PLA2G4E: variants seen among roughly 807,000 people sequenced by gnomAD.
PLA2G4E encodes cytosolic phospholipase A2 epsilon.
In PLA2G4E, 84 loss-of-function variants were observed where a neutral mutation model predicts 109.1. The observed-to-expected ratio is 0.77, with a 90% CI of 0.65 to 0.92. The LOEUF is 0.92. Ranked by LOEUF, PLA2G4E falls within the 40% of genes least tolerant of loss-of-function variation. PLA2G4E has a pLI of 0.00. For missense variants in PLA2G4E, 1,057 were observed against 1,076.6 expected (o/e 0.98, Z 0.25); for synonymous variants, 469 against 436.1 (o/e 1.08, Z -0.94).
In PLA2G4E at chr15:41,990,085, C is replaced by T. The variant is rs774646748; in HGVS notation, c.1585+36G>A. 12 of 1,574,904 alleles carry T rather than the reference C, an allele frequency of 7.6e-6. No individual in the cohort carries two copies. The East Asian group carries it at 2.5e-4, about 32-fold the overall frequency. On this transcript the variant is annotated intron_variant, in intron 14 of 19. Coordinates refer to ENST00000399518, the Ensembl canonical transcript of PLA2G4E. ...TTTGCCCACCAAGAAGTCCCCCCCT[C>T]CACCCCACTTGTAAATCACCAGCCA...
At chr15:42,013,630 C>T in intron 2 of PLA2G4E, 55 bp downstream of exon 2, 3 of 1,497,222 alleles carry the variant, frequency 2.0e-6, no homozygotes, top group South Asian at 1.2e-5. Flanking sequence ...CAGCCAGGGC[C>T]TCTTCCATCC....
rs970566436 is a variant in PLA2G4E, at chr15:42,013,618, T to C, written c.256+67A>G. 1.0e-5 allele frequency: 15 copies of C among 1,465,344 alleles called. No homozygotes were observed. In the Admixed American group the frequency reaches 3.0e-4, roughly 29 times the overall value. 90.8% of individuals were successfully genotyped at this position (1,465,344 alleles called of 1,614,324 possible). A position where few individuals can be genotyped will look rare whatever the true frequency, so the allele number is the denominator to read the frequency against. On this transcript the variant is annotated intron_variant, in intron 2 of 19. Coordinates refer to ENST00000399518, the Ensembl canonical transcript of PLA2G4E. Reference sequence around the variant, plus strand: ...ACACACGGATCCACCTGACCATTTCTCCAGCCAGGGCCTCTTCCATCCAGA... The same window carrying C: ...ACACACGGATCCACCTGACCATTTCCCCAGCCAGGGCCTCTTCCATCCAGA...
At position 41,989,411 on chromosome 15, in the gene PLA2G4E, T is replaced by C. The variant is rs768785410; in HGVS notation, c.1723+4A>G. The C allele has an allele frequency of 1.9e-6, 3 of 1,613,728 alleles. No homozygotes were observed. In the African/African-American group the frequency reaches 4.0e-5, roughly 22 times the overall value. On this transcript the variant is annotated splice_donor_region_variant and intron_variant, in intron 15 of 19. Coordinates refer to ENST00000399518, the Ensembl canonical transcript of PLA2G4E. ...TGTCATTCCGCCAGTTGCAAGGCAG[T>C]CACCTAGCATGTAGCAGATTCGAGA...
chr15:42,005,121 G>A, intron 4 of PLA2G4E, 143 bp from the exon 5 acceptor site: 2 of 970,728 alleles, frequency 2.1e-6, no homozygotes, highest in East Asian at 2.6e-5. Context: ...TGTGCTTGTG[G>A]TCTCCTCTGC....
chr15:41,996,339 C>A (rs1372655164), intron 11 of PLA2G4E, among the ~76,000 whole-genome samples: 2 of 106,326 alleles, frequency 1.9e-5, no homozygotes, highest in Non-Finnish European at 3.4e-5. Flanking sequence ...CAGAGCAAGA[C>A]CCTGTCTCAA....
chr15:42,002,264 C>CAAAAAAAAAAAAAAAAAAAAAAAAA (rs71108143), intron 6 of PLA2G4E, among the ~76,000 whole-genome samples: 1 of 73,232 alleles, frequency 1.4e-5, no homozygotes, highest in African/African-American at 6.2e-5. Flanking sequence ...GACCTTGTCT[C>CAAAAAAAAAAAAAAAAAAAAAAAAA]AAAAAAAAAA....
At chr15:42,002,450 T>A (rs997900790) in intron 6 of PLA2G4E, among the ~76,000 whole-genome samples, 9 of 151,954 alleles carry the variant, frequency 5.9e-5, no homozygotes, top group Admixed American at 5.9e-4. Context: ...CCCAGCTACC[T>A]CCTCCCTCTG....
chr15:42,027,339 C>T (rs2665205), intron 1 of PLA2G4E, among the ~76,000 whole-genome samples: 114,025 of 152,076 alleles, frequency 0.75, 43,617 homozygotes, highest in Non-Finnish European at 0.83. Context: ...TATAGGGAAA[C>T]AGCAATCAAT....
intron 14 of PLA2G4E, 72 bp from the exon 15 acceptor site, chr15:41,989,624 T>C (rs2068209466): frequency 2.4e-5 from 37 of 1,536,272 alleles, no homozygotes; most frequent in Non-Finnish European, 3.2e-5. Context: ...GCCCCCCTCC[T>C]GCCTGCAGCC....
chr15:42,046,921 G>A (rs1437410856), intron 1 of PLA2G4E, among the ~76,000 whole-genome samples: 1 of 152,156 alleles, frequency 6.6e-6, no homozygotes, highest in Non-Finnish European at 1.5e-5. Context: ...AGGGTTACTG[G>A]ATGACAATAT....
chr15:41,987,354 TCAGG>T lies in PLA2G4E; in HGVS notation c.1849_1852del (p.Pro617LysfsTer14). The T allele has an allele frequency of 6.2e-7, 1 of 1,613,722 alleles. No individual in the cohort carries two copies. The highest frequency in any genetic ancestry group is 2.2e-5 in the East Asian group (1 of 44,868). On this transcript the variant is annotated frameshift_variant, in exon 17 of 20. Coordinates refer to ENST00000399518, the Ensembl canonical transcript of PLA2G4E. LOFTEE classifies it high-confidence loss of function. ...GATGTTAGCATCACATTTGGGGATT[TCAGG>T]CAGGATCGGCTCGTCTTCTGCAGGG... is the stretch of plus-strand genomic sequence containing the variant.
In PLA2G4E at chr15:42,034,174, TGC is replaced by T. The variant is rs1429908067; in HGVS notation, c.183+16345_183+16346del. On this transcript the variant is annotated intron_variant, in intron 1 of 19. Transcript: ENST00000399518. ...GTTTCCTGGGACTCAAGACTTTTAG[TGC>T]TAAAACTGGAAAGTTCCAGGCAAAC... 5.6e-4 allele frequency among the ~76,000 whole-genome samples: 85 copies of T among 152,344 alleles called. 1 individual carries two copies. The highest frequency in any genetic ancestry group is 6.8e-3 in the Middle Eastern group (2 of 294).
intron 11 of PLA2G4E, among the ~76,000 whole-genome samples, chr15:41,995,797 G>C (rs749777769): frequency 6.6e-6 from 1 of 152,200 alleles, no homozygotes; most frequent in African/African-American, 2.4e-5. Flanking sequence ...TCTAGCCCTC[G>C]GTTAACAGGT....
At chr15:41,996,703 C>A (rs1015627887) in intron 11 of PLA2G4E, among the ~76,000 whole-genome samples, 2 of 152,226 alleles carry the variant, frequency 1.3e-5, no homozygotes, top group Non-Finnish European at 2.9e-5. Context: ...GCTGTTATTT[C>A]TGGGAGTGTG....
chr15:42,045,894 T>C (rs1889407231), intron 1 of PLA2G4E, among the ~76,000 whole-genome samples: 1 of 152,150 alleles, frequency 6.6e-6, no homozygotes, highest in Non-Finnish European at 1.5e-5. Flanking sequence ...TGCTTAGATG[T>C]GAATCTCAAG....
intron 1 of PLA2G4E, among the ~76,000 whole-genome samples, chr15:42,033,886 G>A (rs999598647): frequency 1.3e-5 from 2 of 152,190 alleles, no homozygotes; most frequent in African/African-American, 4.8e-5. Context: ...CCTTGCCAAG[G>A]TGCAAATGAC....
chr15:42,047,448 G>A (rs538485907), intron 1 of PLA2G4E, among the ~76,000 whole-genome samples: 1 of 152,068 alleles, frequency 6.6e-6, no homozygotes. Context: ...CACTCTCAGT[G>A]ACTCCCATGA....
intron 1 of PLA2G4E, among the ~76,000 whole-genome samples, chr15:42,031,294 G>T (rs181921638): frequency 1.3e-5 from 2 of 152,292 alleles, no homozygotes; most frequent in East Asian, 3.9e-4. Context: ...TTCATGCTTA[G>T]CAATCATAAA....
chr15:42,018,487 A>T (rs914348109), intron 1 of PLA2G4E, among the ~76,000 whole-genome samples: 1 of 151,974 alleles, frequency 6.6e-6, no homozygotes, highest in African/African-American at 2.4e-5. Context: ...TGGAGTAGGG[A>T]CAGGCATTCA....
Sources: gnomAD v4.1 joint callset for allele counts (sites outside exome capture counted in the v4.1 genomes callset) on GRCh38, gnomAD v4.1.1 for gene constraint, MANE v1.5 for transcripts, NCBI Gene and HGNC (gene_info 2026-07-23, HGNC 2026-07-21) for gene names.